The following STING1 variants were observed in gnomAD, a reference collection of about 807,000 sequenced individuals.
STING1 encodes the protein stimulator of interferon response cGAMP interactor 1, also known as stimulator of interferon genes protein.
In STING1, 19 loss-of-function variants were observed where a neutral mutation model predicts 31.6. The ratio of observed to expected loss-of-function variants is 0.60; its 90% confidence interval spans 0.42 to 0.88. The LOEUF (loss-of-function observed/expected upper bound fraction) is 0.88. STING1 is among the 40% of genes least tolerant of loss of function. The pLI is 0.00. For missense variants in STING1, 371 were observed against 483.7 expected (o/e 0.77, Z 2.19); for synonymous variants, 200 against 208.6 (o/e 0.96, Z 0.35).
At chr5:139,480,000 T>C (rs1751788057) in intron 5 of STING1, among the ~76,000 whole-genome samples, 2 of 129,988 alleles carry the variant, frequency 1.5e-5, no homozygotes, top group African/African-American at 3.0e-5. Context: ...TGAGACTTTG[T>C]CTCAAAAAAA....
At position 139,481,346 on chromosome 5, in the gene STING1, T is replaced by C; in HGVS notation, c.228-4A>G. ...CCTCCAGTAGCTGCCCCGGTACCTG[T>C]GAGTGACAGCCAGACCCCAGACCCC... On this transcript the variant is annotated splice_polypyrimidine_tract_variant and splice_region_variant and intron_variant, in intron 3 of 7. Transcript: ENST00000330794. This position sits in a 1 kb window ranked among gnomAD's most constrained non-coding sequence, Gnocchi z 4.1. 6.3e-7 allele frequency: 1 copy of C among 1,587,048 alleles called. No homozygotes were observed. Among genetic ancestry groups the C allele is most frequent in the Non-Finnish European group, 8.6e-7 (1 of 1,165,584 alleles).
Position 139,481,313 on chromosome 5 carries a change from C to G in STING1, c.257G>C (p.Arg86Pro), listed in dbSNP as rs777336363. Residue 86 changes from arginine to proline, a missense_variant, in exon 4 of 8, where the codon CGG becomes CCG. Arg to Pro is a moderately radical substitution (Grantham distance 103). Coordinates refer to ENST00000330794, the MANE Select transcript of STING1 (RefSeq NM_198282.4). The surrounding 1 kb of genome is among the most constrained non-coding windows in gnomAD (Gnocchi z 4.1). ...RYRGSYWRTV[R>P]ACLGCPLRRG... is the part of the protein sequence containing the mutation. ...GCGGAGGGGGCAGCCCAGGCAGGCC[C>G]GCACAGTCCTCCAGTAGCTGCCCCG... is the stretch of plus-strand genomic sequence containing the variant. The G allele has an allele frequency of 6.2e-7, 1 of 1,605,500 alleles. No individual in the cohort carries two copies. The highest frequency in any genetic ancestry group is 1.7e-5 in the Admixed American group (1 of 59,508).
Position 139,481,140 on chromosome 5 carries a change from A to G in STING1, c.411+19T>C, listed in dbSNP as rs1042969759. Reference sequence around the variant, plus strand: ...CAGCCACCACTTGGCCAGAGCTTCTACCTCCCCCTGTGTCATACCTTGAGG... The same window carrying G: ...CAGCCACCACTTGGCCAGAGCTTCTGCCTCCCCCTGTGTCATACCTTGAGG... On this transcript the variant is annotated intron_variant, in intron 4 of 7. Transcript: ENST00000330794. The surrounding 1 kb of genome is among the most constrained non-coding windows in gnomAD (Gnocchi z 4.1). 2.2e-5 allele frequency: 35 copies of G among 1,612,956 alleles called. No homozygotes were observed. The highest frequency in any genetic ancestry group is 3.0e-5 in the Non-Finnish European group (35 of 1,179,488).
In STING1 at chr5:139,475,770, C is replaced by A. The variant is rs1751636803; in HGVS notation, c.*491G>T. The A allele has an allele frequency of 6.5e-6, 1 of 153,110 alleles. No individual in the cohort carries two copies. The highest frequency in any genetic ancestry group is 2.4e-5 in the African/African-American group (1 of 41,394). The allele number at this position is 153,110 out of a possible 1,614,324, so 9.5% of individuals were successfully genotyped here. On this transcript the variant is annotated 3_prime_UTR_variant, in exon 8 of 8. Coordinates refer to ENST00000330794, the MANE Select transcript of STING1 (RefSeq NM_198282.4). ...GGGTGGGAGCCGGGGGATTCAATACCCCAAACTCAGCCTCCTCCTCCTCTC... is the reference window on the plus strand; with the variant it reads ...GGGTGGGAGCCGGGGGATTCAATACACCAAACTCAGCCTCCTCCTCCTCTC...
At chr5:139,479,677 G>T (rs554840725) in intron 5 of STING1, among the ~76,000 whole-genome samples, 1 of 148,946 alleles carries the variant, frequency 6.7e-6, no homozygotes, top group South Asian at 2.1e-4. Context: ...ACTTCAGCCC[G>T]GGTGAAAAAG....
At chr5:139,479,848 CAAAAAAAAAAAAAAA>C (rs1168023127) in intron 5 of STING1, among the ~76,000 whole-genome samples, 8 of 34,914 alleles carry the variant, frequency 2.3e-4, no homozygotes, top group African/African-American at 1.3e-3. Context: ...ACTAAAAATA[CAAAAAAAAAAAAAAA>C]AAAAAAAAAA....
At chr5:139,480,523 C>T (rs1397038305) in intron 5 of STING1, among the ~76,000 whole-genome samples, 4 of 151,912 alleles carry the variant, frequency 2.6e-5, no homozygotes, top group Admixed American at 1.3e-4. Flanking sequence ...CTAGCCTGGG[C>T]GACAGAGGGA....
At position 139,476,352 on chromosome 5, in the gene STING1, G is replaced by C; in HGVS notation, c.1049C>G (p.Ala350Gly). 1 of 1,612,684 alleles carries C rather than the reference G, an allele frequency of 6.2e-7. No individual in the cohort carries two copies. Among genetic ancestry groups the C allele is most frequent in the Non-Finnish European group, 8.5e-7 (1 of 1,179,892 alleles). The change falls in exon 8 of 8, where the codon GCG becomes GGG. Residue 350 changes from alanine to glycine, a missense_variant. Coordinates refer to ENST00000330794, the MANE Select transcript of STING1 (RefSeq NM_198282.4). ...GGACATCGTGGAGGTACTGGGCACC[G>C]CTGAGGTCTTCAAGCTGCCCACAGT... ...EVTVGSLKTS[A>G]VPSTSTMSQE...
At chr5:139,477,240 T>C (rs1581448963) in intron 7 of STING1, 89 bp downstream of exon 7, 3 of 1,366,096 alleles carry the variant, frequency 2.2e-6, no homozygotes, top group South Asian at 2.6e-5. Context: ...TGGTGCTCCA[T>C]AGCCCCTTCT....
At chr5:139,479,267 AACAACAACAACAAC>A (rs1468746435) in intron 5 of STING1, 1 of 151,710 alleles carries the variant, frequency 6.6e-6, no homozygotes, top group Non-Finnish European at 1.5e-5. Flanking sequence ...CAACAACAAC[AACAACAACAACAAC>A]AAACACAGGC....
chr5:139,480,232 G>A (rs1273644296), intron 5 of STING1, among the ~76,000 whole-genome samples: 2 of 152,166 alleles, frequency 1.3e-5, no homozygotes, highest in South Asian at 2.1e-4. Flanking sequence ...AGGCACATGA[G>A]AGCACACAGC....
At chr5:139,478,924 A>G (rs1751746565) in intron 5 of STING1, 2 of 189,942 alleles carry the variant, frequency 1.1e-5, no homozygotes, top group East Asian at 2.4e-4. Context: ...CCTGCAAGTC[A>G]GAAGAATAAA....
chr5:139,478,609 A>C, intron 5 of STING1, 101 bp from the exon 6 acceptor site: 1 of 994,266 alleles, frequency 1.0e-6, no homozygotes, highest in South Asian at 1.4e-5. Flanking sequence ...TGTGGGTGCC[A>C]GAGAATGGAG....
Position 139,476,042 on chromosome 5 carries a change from T to G in STING1, c.*219A>C. On this transcript the variant is annotated 3_prime_UTR_variant, in exon 8 of 8. Coordinates refer to ENST00000330794, the MANE Select transcript of STING1 (RefSeq NM_198282.4). ...AACCGTGAGGGAGGTAAGGCAGTGA[T>G]TATGATCCCATTTCACAGGTTGAAG... is the stretch of plus-strand genomic sequence containing the variant. 1.9e-6 allele frequency: 1 copy of G among 529,842 alleles called. No individual in the cohort carries two copies. Among genetic ancestry groups the G allele is most frequent in the Non-Finnish European group, 3.4e-6 (1 of 295,520 alleles). 32.8% of individuals were successfully genotyped at this position (529,842 alleles called of 1,614,324 possible). A position where few individuals can be genotyped will look rare whatever the true frequency, so the allele number is the denominator to read the frequency against.
Position 139,480,812 on chromosome 5 carries a change from T to A in STING1, c.498A>T (p.Gly166=), listed in dbSNP as rs1713610226. The A allele has an allele frequency of 1.9e-6, 3 of 1,613,646 alleles. No homozygotes were observed. In the South Asian group the frequency reaches 3.3e-5, roughly 18 times the overall value. ...CACCTGGCAGGATCAGCCGCAGATA[T>A]CCGATGTAATATGACCATGCCAGCC... ...AHGLAWSYYI[G]YLRLILPELQ... The change falls in exon 5 of 8, where the codon GGA becomes GGT. Residue 166 remains glycine, a synonymous_variant. Transcript: ENST00000330794.
In STING1 at chr5:139,478,137, G is replaced by T; in HGVS notation, c.759+133C>A. ...TCATTATCATTCAGAGCTGAATCCT[G>T]CCCAGACCTGGGACCAGCTAGGGAC... On this transcript the variant is annotated intron_variant, in intron 6 of 7. Transcript: ENST00000330794. 3 of 706,238 alleles carry T rather than the reference G, an allele frequency of 4.2e-6. No individual in the cohort carries two copies. In the South Asian group the frequency reaches 5.2e-5, roughly 12 times the overall value. 43.7% of individuals were successfully genotyped at this position (706,238 alleles called of 1,614,324 possible). A position where few individuals can be genotyped will look rare whatever the true frequency, so the allele number is the denominator to read the frequency against.
At chr5:139,480,271 A>G (rs1273515201) in intron 5 of STING1, among the ~76,000 whole-genome samples, 1 of 152,116 alleles carries the variant, frequency 6.6e-6, no homozygotes, top group East Asian at 1.9e-4. Context: ...GAAAGAATTT[A>G]CAGCTGGGCT....
Position 139,481,213 on chromosome 5 carries a change from C to G in STING1, c.357G>C (p.Trp119Cys). ...LPNAVGPPFT[W>C]MLALLGLSQA... is the part of the protein sequence containing the mutation. ...GCGAGAGGCCCAGGAGGGCAAGCAT[C>G]CAAGTGAAGGGCGGGCCGACCGCAT... Residue 119 changes from tryptophan to cysteine, a missense_variant, in exon 4 of 8, where the codon TGG (tryptophan) becomes TGC (cysteine). Trp to Cys is a radical substitution (Grantham distance 215). Transcript: ENST00000330794. The surrounding 1 kb of genome is among the most constrained non-coding windows in gnomAD (Gnocchi z 4.1). The G allele has an allele frequency of 6.2e-7, 1 of 1,614,202 alleles. No individual in the cohort carries two copies. Among genetic ancestry groups the G allele is most frequent in the Non-Finnish European group, 8.5e-7 (1 of 1,180,032 alleles).
chr5:139,480,805 G>T lies in STING1; in HGVS notation c.505C>A (p.Arg169=), dbSNP rs1043499198. The change falls in exon 5 of 8, where the codon CGG becomes AGG. Residue 169 remains arginine (R), a synonymous_variant. Coordinates refer to ENST00000330794, the MANE Select transcript of STING1 (RefSeq NM_198282.4). ...LAWSYYIGYL[R]LILPELQARI... ...GATGGCCCACCTGGCAGGATCAGCC[G>T]CAGATATCCGATGTAATATGACCAT... 1.9e-6 allele frequency: 3 copies of T among 1,612,702 alleles called. No homozygotes were observed. The highest frequency in any genetic ancestry group is 2.7e-5 in the African/African-American group (2 of 74,884).
Sources: allele counts gnomAD v4.1 joint callset (sites outside exome capture counted in the v4.1 genomes callset), GRCh38; gene constraint gnomAD v4.1.1; non-coding constraint Gnocchi (gnomAD v3.1); transcripts MANE v1.5; gene names NCBI Gene and HGNC (gene_info 2026-07-23, HGNC 2026-07-21).